CEMIP: variants seen among roughly 807,000 people sequenced by gnomAD.
CEMIP encodes the protein cell migration inducing hyaluronidase 1.
CEMIP carries 105 observed loss-of-function variants against 156.9 expected under a neutral mutation model. The observed-to-expected ratio is 0.67, with a 90% confidence interval of 0.57 to 0.79. The LOEUF (loss-of-function observed/expected upper bound fraction) is 0.79, where lower values mean the gene tolerates loss of function less well. Among genes scored for constraint, CEMIP ranks in the 30% least tolerant of loss-of-function variants. CEMIP has a pLI of 0.00. For synonymous variants in CEMIP, 676 were observed against 668.4 expected, an observed-to-expected ratio of 1.01 and a Z score of -0.17; for missense variants, 1,457 against 1,769.4, an observed-to-expected ratio of 0.82 and a Z score of 3.17.
chr15:80,946,887 C>A, intron 28 of CEMIP, 78 bp from the exon 29 acceptor site: 1 of 980,472 alleles, frequency 1.0e-6, no homozygotes, highest in East Asian at 2.5e-5. Flanking sequence ...CCACCATGCA[C>A]AAACCAACAT....
At chr15:80,908,457 GT>G (rs1899898783) in intron 13 of CEMIP, among the ~76,000 whole-genome samples, 1 of 152,168 alleles carries the variant, frequency 6.6e-6, no homozygotes, top group African/African-American at 2.4e-5. Flanking sequence ...TTCAGACTGT[GT>G]TTTCATGGTA....
intron 28 of CEMIP, 172 bp from the exon 29 acceptor site, chr15:80,946,793 A>C: frequency 1.5e-6 from 1 of 656,258 alleles, no homozygotes; most frequent in South Asian, 1.6e-5. Context: ...CACCACATGG[A>C]AAGAGCCCGT....
chr15:80,874,140 C>T (rs946304969), intron 3 of CEMIP, among the ~76,000 whole-genome samples, 167 bp downstream of exon 3: 2 of 152,274 alleles, frequency 1.3e-5, no homozygotes, highest in Non-Finnish European at 2.9e-5. Context: ...CGGCACGTTT[C>T]GTCCTGGGCT....
Position 80,937,916 on chromosome 15 carries a change from A to C in CEMIP, c.3344A>C (p.Gln1115Pro). ...SKTGVFVRTL[Q>P]MDKVEQSYPG... is the part of the protein sequence containing the mutation. ...ACGGGCGTCTTCGTGAGGACCTTGC[A>C]GATGGACAAAGTGGAGCAGAGCTAC... The change falls in exon 25 of 30, where the codon CAG (glutamine) becomes CCG (proline). Residue 1115 changes from glutamine to proline, a missense_variant. Physicochemically the swap from Gln to Pro is moderately conservative, Grantham distance 76 (BLOSUM62 -1). Transcript: ENST00000394685. The C allele has an allele frequency of 6.2e-7, 1 of 1,614,238 alleles. No homozygotes were observed.
chr15:80,917,018 C>T (rs545763527), intron 14 of CEMIP, among the ~76,000 whole-genome samples: 1 of 152,246 alleles, frequency 6.6e-6, no homozygotes, highest in East Asian at 1.9e-4. Flanking sequence ...TGACTTGGGG[C>T]AACTTTCTAA....
chr15:80,840,376 G>C (rs892897611), intron 1 of CEMIP, among the ~76,000 whole-genome samples: 36 of 152,136 alleles, frequency 2.4e-4, no homozygotes, highest in African/African-American at 8.0e-4. Context: ...AGTCAGCCCA[G>C]CCTGTCAGGA....
At chr15:80,794,722 G>C (rs1896171854) in intron 1 of CEMIP, among the ~76,000 whole-genome samples, 2 of 152,170 alleles carry the variant, frequency 1.3e-5, no homozygotes, top group Non-Finnish European at 2.9e-5. Context: ...TGTTTCCCGT[G>C]CTTAATAGCC....
chr15:80,874,228 C>T (rs183637389), intron 3 of CEMIP, among the ~76,000 whole-genome samples: 1 of 152,286 alleles, frequency 6.6e-6, no homozygotes, highest in Admixed American at 6.5e-5. Flanking sequence ...GAAGCCAGGC[C>T]CCTGACACAA....
At chr15:80,925,522 TG>T in intron 18 of CEMIP, 101 bp from the exon 19 acceptor site, 2 of 1,516,562 alleles carry the variant, frequency 1.3e-6, no homozygotes, top group Non-Finnish European at 9.0e-7. Flanking sequence ...AATGCCTTCC[TG>T]GGCACTGTGA....
In CEMIP at chr15:80,881,109, A is replaced by T. The variant is rs1449374943; in HGVS notation, c.590A>T (p.Lys197Ile). 1 of 1,614,088 alleles carries T rather than the reference A, an allele frequency of 6.2e-7. No individual in the cohort carries two copies. Among genetic ancestry groups the T allele is most frequent in the East Asian group, 2.2e-5 (1 of 44,898 alleles). ...GTTATTGTTCATGTCATCGACCCCA[A>T]ATCAGGCACAGTCATCCATTCTGAC... ...RGVIVHVIDPKSGTVIHSDRF... is the reference protein window; with the variant it reads ...RGVIVHVIDPISGTVIHSDRF... Residue 197 changes from lysine (K) to isoleucine (I), a missense_variant, in exon 6 of 30, where the codon AAA (lysine) becomes ATA (isoleucine). This residue lies in a region of CEMIP where 309 missense variants were observed against 340.8 expected (regional missense o/e 0.91). Transcript: ENST00000394685.
intron 1 of CEMIP, among the ~76,000 whole-genome samples, chr15:80,833,538 C>A (rs759853683): frequency 3.9e-5 from 6 of 152,124 alleles, no homozygotes; most frequent in African/African-American, 4.8e-5. Context: ...CAACTCATTA[C>A]CCATCCTTCC....
chr15:80,879,038 G>T (rs187543930), intron 4 of CEMIP, among the ~76,000 whole-genome samples, 171 bp downstream of exon 4: 2 of 152,176 alleles, frequency 1.3e-5, no homozygotes, highest in Admixed American at 1.3e-4. Context: ...GTTAGGAATG[G>T]CTTGTCGGAG....
intron 27 of CEMIP, 66 bp downstream of exon 27, chr15:80,942,403 C>A: frequency 1.5e-6 from 2 of 1,322,454 alleles, no homozygotes; most frequent in Non-Finnish European, 2.2e-6. Flanking sequence ...TGTCCTGCGG[C>A]TGCTGGCACA....
chr15:80,845,630 C>A (rs1897534931), intron 1 of CEMIP, among the ~76,000 whole-genome samples: 1 of 152,116 alleles, frequency 6.6e-6, no homozygotes, highest in Admixed American at 6.5e-5. Context: ...GGTCTTCATC[C>A]AGGGAAAACA....
Position 80,879,699 on chromosome 15 carries a change from C to A in CEMIP, c.242-17C>A. 1 of 1,614,146 alleles carries A rather than the reference C, an allele frequency of 6.2e-7. No individual in the cohort carries two copies. The highest frequency in any genetic ancestry group is 1.3e-5 in the African/African-American group (1 of 75,052). ...AACACTGTGTTATTAAACCTCCCCC[C>A]AATGCTACCTCTTCAGGCAAGCTGG... On this transcript the variant is annotated splice_polypyrimidine_tract_variant and intron_variant, in intron 4 of 29. Coordinates refer to ENST00000394685, the MANE Select transcript of CEMIP (RefSeq NM_001293298.2).
intron 1 of CEMIP, among the ~76,000 whole-genome samples, chr15:80,808,145 T>A (rs1896560746): frequency 6.6e-6 from 1 of 152,222 alleles, no homozygotes; most frequent in Admixed American, 6.5e-5. Context: ...TTTCTCTTTA[T>A]AGATGAAGCT....
intron 1 of CEMIP, among the ~76,000 whole-genome samples, chr15:80,848,986 TTTTTTTTTTTTTTTTTTTTG>T (rs1897641226): frequency 3.3e-5 from 1 of 30,488 alleles, no homozygotes; most frequent in Non-Finnish European, 7.2e-5. Context: ...TTTTTTTTTT[TTTTTTTTTTTTTTTTTTTTG>T]AGAGAGATAG....
intron 3 of CEMIP, among the ~76,000 whole-genome samples, chr15:80,874,512 T>A (rs1302398727): frequency 6.6e-6 from 1 of 152,172 alleles, no homozygotes; most frequent in Non-Finnish European, 1.5e-5. Flanking sequence ...CTGAGAAATA[T>A]CTTTCCAACT....
At chr15:80,903,374 A>G (rs1012545829) in intron 12 of CEMIP, among the ~76,000 whole-genome samples, 16 of 152,218 alleles carry the variant, frequency 1.1e-4, no homozygotes, top group Admixed American at 2.6e-4. Flanking sequence ...GAGTGTGGTC[A>G]GGGAGGACAT....
Sources: allele counts gnomAD v4.1 joint callset (sites outside exome capture counted in the v4.1 genomes callset), GRCh38; gene constraint gnomAD v4.1.1; regional missense constraint gnomAD v4.1.1; transcripts MANE v1.5; gene names NCBI Gene and HGNC (gene_info 2026-07-23, HGNC 2026-07-21).